TTN: variants seen among roughly 807,000 people sequenced by gnomAD.
The protein encoded by TTN is connectin.
Under a neutral mutation model 3,223.0 loss-of-function variants are expected in TTN, and 1,525 were observed. The ratio of observed to expected loss-of-function variants is 0.47; its 90% confidence interval spans 0.45 to 0.49. The LOEUF is 0.49. Ranked by LOEUF, TTN falls within the 20% of genes least tolerant of loss-of-function variation. TTN has a pLI of 0.00. For synonymous variants in TTN, 14,094 were observed against 15,161.0 expected (o/e 0.93, Z 5.17); for missense variants, 40,786 against 43,424.0 (o/e 0.94, Z 5.40).
Position 178,612,860 on chromosome 2 carries a change from A to G in TTN, c.49861T>C (p.Tyr16621His), listed in dbSNP as rs766377448. Residue 16621 changes from tyrosine (Y) to histidine (H), a missense_variant, in exon 265 of 363, where the codon TAC becomes CAC. Physicochemically the swap from Tyr to His is moderately conservative, Grantham distance 83 (BLOSUM62 2). Coordinates refer to ENST00000589042, the MANE Select transcript of TTN (RefSeq NM_001267550.2). ...LLPGLMEGQE[Y>H]SFRVRAVNKA... ...TTCACAGCTCTAACTCGGAATGAGT[A>G]TTCCTGTCCTTCCATGAGCCCTGGG... 2 of 1,612,550 alleles carry G rather than the reference A, an allele frequency of 1.2e-6. No homozygotes were observed. The highest frequency in any genetic ancestry group is 2.2e-5 in the South Asian group (2 of 91,038).
At chr2:178,651,199 C>T (rs775553603) in intron 208 of TTN, 44 bp downstream of exon 208, 23 of 1,521,904 alleles carry the variant, frequency 1.5e-5, no homozygotes, top group Non-Finnish European at 1.8e-5. Context: ...ACTTATTAGA[C>T]AAGGGTGAGT....
chr2:178,565,228 G>A lies in TTN; in HGVS notation c.80904C>T (p.Ile26968=), dbSNP rs539234338. 8.1e-6 allele frequency: 13 copies of A among 1,613,540 alleles called. No individual in the cohort carries two copies. The Admixed American group carries it at 1.3e-4, about 17-fold the overall frequency. Reference sequence around the variant, plus strand: ...CTGGAGGTCCAGGCTTTTCTAAAACGATAACACTGAGATTTTCTGTTGCTG... The same window carrying A: ...CTGGAGGTCCAGGCTTTTCTAAAACAATAACACTGAGATTTTCTGTTGCTG... The part of the protein sequence containing the change: ...AGTATENLSV[I]VLEKPGPPVG... Residue 26968 remains isoleucine, a synonymous_variant, in exon 326 of 363, where the codon ATC becomes ATT. Transcript: ENST00000589042.
At chr2:178,800,245 G>T (rs2093989696) in intron 4 of TTN, 150 bp downstream of exon 4, 1 of 1,002,100 alleles carries the variant, frequency 1.0e-6, no homozygotes, top group Non-Finnish European at 1.5e-6. Flanking sequence ...GAATCTCAGG[G>T]ACTTTTCATG....
At position 178,559,307 on chromosome 2, in the gene TTN, A is replaced by G. The variant is rs1559274361; in HGVS notation, c.86821+4T>C. 6.3e-6 allele frequency: 10 copies of G among 1,579,708 alleles called. No individual in the cohort carries two copies. The highest frequency in any genetic ancestry group is 7.7e-6 in the Non-Finnish European group (9 of 1,163,060). ...TGTAGAATTTCCTTATTCTTAAAAC[A>G]TACCTGTTATTTTTACTCCTTCCTT... is the stretch of plus-strand genomic sequence containing the variant. On this transcript the variant is annotated splice_donor_region_variant and intron_variant, in intron 326 of 362. Transcript: ENST00000589042.
rs2057142108 is a variant in TTN at position 178,615,371 on chromosome 2, C to T, written c.48574G>A (p.Val16192Ile). ...TCAGAACCACGTGGACATCTTTCAA[C>T]TATATATCCTTTGATGCGTGAACCA... Reference protein sequence around the residue: ...DGGSRIKGYIVERCPRGSDKW... With the variant: ...DGGSRIKGYIIERCPRGSDKW... Residue 16192 changes from valine (V) to isoleucine (I), a missense_variant, in exon 259 of 363, where the codon GTT (valine) becomes ATT (isoleucine). Val to Ile is a conservative substitution (Grantham distance 29, BLOSUM62 3). Transcript: ENST00000589042. The T allele has an allele frequency of 6.2e-7, 1 of 1,612,600 alleles. No homozygotes were observed. The highest frequency in any genetic ancestry group is 8.5e-7 in the Non-Finnish European group (1 of 1,179,044).
At position 178,542,803 on chromosome 2, in the gene TTN, C is replaced by T. The variant is rs727504879; in HGVS notation, c.97051G>A (p.Glu32351Lys). The change falls in exon 348 of 363, where the codon GAG becomes AAG. Residue 32351 changes from glutamate to lysine, a missense_variant. Physicochemically the swap from Glu to Lys is moderately conservative, Grantham distance 56. Transcript: ENST00000589042. Reference sequence around the variant, plus strand: ...GTGTGAGTTTCAACTGTGACACGCTCTGATTCTCTCAGTTTAGAACCAGCA... The same window carrying T: ...GTGTGAGTTTCAACTGTGACACGCTTTGATTCTCTCAGTTTAGAACCAGCA... ...FFAGSKLRES[E>K]RVTVETHTKV... is the part of the protein sequence containing the mutation. 13 of 1,613,678 alleles carry T rather than the reference C, an allele frequency of 8.1e-6. No individual in the cohort carries two copies. Among genetic ancestry groups the T allele is most frequent in the African/African-American group, 1.3e-5 (1 of 74,896 alleles).
chr2:178,528,789 A>G lies in TTN; in HGVS notation c.106962T>C (p.Gly35654=). 1 of 1,612,766 alleles carries G rather than the reference A, an allele frequency of 6.2e-7. No homozygotes were observed. Among genetic ancestry groups the G allele is most frequent in the Non-Finnish European group, 8.5e-7 (1 of 1,178,930 alleles). Residue 35654 remains glycine, a synonymous_variant, in exon 360 of 363, where the codon GGT becomes GGC. Transcript: ENST00000589042. ...ELTNSEEYRY[G]VSGSDQTLTI... Reference sequence around the variant, plus strand: ...TTAGGGTCTGATCGCTGCCTGAGACACCATATCGGTACTCCTCAGAGTTGG... The same window carrying G: ...TTAGGGTCTGATCGCTGCCTGAGACGCCATATCGGTACTCCTCAGAGTTGG...
Position 178,569,959 on chromosome 2 carries a change from G to C in TTN, c.76173C>G (p.Ser25391Arg). Residue 25391 changes from serine to arginine, a missense_variant, in exon 326 of 363, where the codon AGC becomes AGG. Coordinates refer to ENST00000589042, the MANE Select transcript of TTN (RefSeq NM_001267550.2). ...AAGCCTTTTGGTAAGCAGAAGGAGG[G>C]CTTGGTTCACTAAGTCCAGCAGCAT... is the stretch of plus-strand genomic sequence containing the variant. ...AENAAGLSEP[S>R]PPSAYQKACD... The C allele has an allele frequency of 6.2e-7, 1 of 1,612,220 alleles. No homozygotes were observed. The highest frequency in any genetic ancestry group is 8.5e-7 in the Non-Finnish European group (1 of 1,178,876).
Position 178,712,495 on chromosome 2 carries a change from C to A in TTN, c.27427G>T (p.Val9143Phe), listed in dbSNP as rs186857044. 5.1e-5 allele frequency: 83 copies of A among 1,613,754 alleles called. No individual in the cohort carries two copies. In the East Asian group the frequency reaches 1.8e-3, roughly 36 times the overall value. The change falls in exon 95 of 363, where the codon GTT (valine) becomes TTT (phenylalanine). Residue 9143 changes from valine to phenylalanine, a missense_variant. Val to Phe is a conservative substitution (Grantham distance 50). Transcript: ENST00000589042. ...TTTATGCCATTTTTCTTCCAGGTAA[C>A]CGAAATGGGAGGAGTTCCAGTGAAT... ...GTFTGTPPIS[V>F]TWKKNGINVT...
chr2:178,590,738 C>A lies in TTN; in HGVS notation c.60987G>T (p.Lys20329Asn). 1.2e-6 allele frequency: 2 copies of A among 1,611,734 alleles called. No homozygotes were observed. Among genetic ancestry groups the A allele is most frequent in the Non-Finnish European group, 1.7e-6 (2 of 1,178,574 alleles). The change falls in exon 304 of 363, where the codon AAG (lysine) becomes AAT (asparagine). Residue 20329 changes from lysine to asparagine, a missense_variant. Physicochemically the swap from Lys to Asn is moderately conservative, Grantham distance 94. Coordinates refer to ENST00000589042, the MANE Select transcript of TTN (RefSeq NM_001267550.2). ...RVNKTPIADL[K>N]FRVTGLYEGN... ...CTTCATAGAGTCCAGTCACTCTGAA[C>A]TTCAGGTCAGCGATAGGTGTTTTGT... is the stretch of plus-strand genomic sequence containing the variant.
intron 89 of TTN, 41 bp from the exon 90 acceptor site, chr2:178,715,305 G>A: frequency 6.5e-7 from 1 of 1,545,950 alleles, no homozygotes. Flanking sequence ...TATTCTGTAA[G>A]TATATAGTTA....
chr2:178,644,678 T>G (rs1379843352), intron 217 of TTN, 62 bp from the exon 218 acceptor site: 1 of 1,292,078 alleles, frequency 7.7e-7, no homozygotes, highest in Non-Finnish European at 1.0e-6. Context: ...AGTGATTAAC[T>G]TTCTACTCCA....
At chr2:178,690,235 A>G (rs190762218) in intron 121 of TTN, among the ~76,000 whole-genome samples, 16 of 152,356 alleles carry the variant, frequency 1.1e-4, no homozygotes, top group Non-Finnish European at 1.9e-4. Context: ...AAACTTCTTT[A>G]CGCTTTGTAT....
At position 178,597,620 on chromosome 2, in the gene TTN, C is replaced by T. The variant is rs72646832; in HGVS notation, c.57462G>A (p.Gln19154=). The change falls in exon 294 of 363, where the codon CAG becomes CAA. Residue 19154 remains glutamine (Q), a synonymous_variant. Transcript: ENST00000589042. ...ISSSMVIKNC[Q]RSHQGVYSLL... ...GAGAATAGACGCCTTGATGGCTCCTCTGGCAGTTCTTGATGACCATGGATG... is the reference window on the plus strand; with the variant it reads ...GAGAATAGACGCCTTGATGGCTCCTTTGGCAGTTCTTGATGACCATGGATG... 1.2e-3 allele frequency: 1,910 copies of T among 1,613,196 alleles called. 27 individuals are homozygous for T. The African/African-American group carries it at 0.023, about 20-fold the overall frequency.
At position 178,727,719 on chromosome 2, in the gene TTN, C is replaced by T. The variant is rs935626596; in HGVS notation, c.19859G>A (p.Cys6620Tyr). 9 of 1,613,320 alleles carry T rather than the reference C, an allele frequency of 5.6e-6. No individual in the cohort carries two copies. The highest frequency in any genetic ancestry group is 2.2e-5 in the East Asian group (1 of 44,834). Residue 6620 changes from cysteine (C) to tyrosine (Y), a missense_variant, in exon 68 of 363, where the codon TGT (cysteine) becomes TAT (tyrosine). Transcript: ENST00000589042. ...DDVELVSGPK[C>Y]FIGLEGSTSF... ...AGTCGACCCTTCCAAGCCAATGAAACATTTAGGACCTGAGACAAGTTCCAC... is the reference window on the plus strand; with the variant it reads ...AGTCGACCCTTCCAAGCCAATGAAATATTTAGGACCTGAGACAAGTTCCAC...
In TTN at chr2:178,604,065, C is replaced by T. The variant is rs575533984; in HGVS notation, c.54622G>A (p.Glu18208Lys). 10 of 1,612,900 alleles carry T rather than the reference C, an allele frequency of 6.2e-6. No homozygotes were observed. The South Asian group carries it at 7.7e-5, about 12-fold the overall frequency. The change falls in exon 282 of 363, where the codon GAG (glutamate) becomes AAG (lysine). Residue 18208 changes from glutamate to lysine, a missense_variant. Glu to Lys is a moderately conservative substitution (Grantham distance 56). Transcript: ENST00000589042. ...ACACGTGACCAATAAGGACTTCCCTCTTCTCTTTTCTCCAGCCAGTAGCCA... is the reference window on the plus strand; with the variant it reads ...ACACGTGACCAATAAGGACTTCCCTTTTCTCTTTTCTCCAGCCAGTAGCCA... ...ITGYWLEKRE[E>K]GSPYWSRVSR...
chr2:178,616,950 A>T lies in TTN; in HGVS notation c.47939T>A (p.Ile15980Asn). 6.2e-7 allele frequency: 1 copy of T among 1,612,710 alleles called. No individual in the cohort carries two copies. The highest frequency in any genetic ancestry group is 8.5e-7 in the Non-Finnish European group (1 of 1,179,108). The change falls in exon 256 of 363, where the codon ATC (isoleucine) becomes AAC (asparagine). Residue 15980 changes from isoleucine (I) to asparagine (N), a missense_variant. Transcript: ENST00000589042. ...GCCTGTACTTGGAACCAGGATCGTG[A>T]TAGGATTTGGGACAATAACTTCCAG... The part of the protein sequence containing the change: ...DGLEVIVPNP[I>N]TILVPSTGYP...
rs780732623 is a variant in TTN at position 178,644,547 on chromosome 2, C to A, written c.40477+1G>T. The A allele has an allele frequency of 6.4e-7, 1 of 1,573,276 alleles. No homozygotes were observed. The highest frequency in any genetic ancestry group is 1.2e-5 in the South Asian group (1 of 82,468). ...TATGTATTTTTCAGCCTGTGAAATA[C>A]CTTTCAGAGGTGTAAGCTCCACTTT... is the stretch of plus-strand genomic sequence containing the variant. On this transcript the variant is annotated splice_donor_variant, in intron 218 of 362. Transcript: ENST00000589042. LOFTEE classifies it high-confidence loss of function.
At chr2:178,747,845 T>C (rs112842807) in intron 47 of TTN, 24 of 1,612,990 alleles carry the variant, frequency 1.5e-5, no homozygotes, top group Non-Finnish European at 1.8e-5. Flanking sequence ...TCCAGAGGCA[T>C]GAATGTTTGT....
Sources: gnomAD v4.1 joint callset for allele counts (sites outside exome capture counted in the v4.1 genomes callset) on GRCh38, gnomAD v4.1.1 for gene constraint, MANE v1.5 for transcripts, NCBI Gene and HGNC (gene_info 2026-07-23, HGNC 2026-07-21) for gene names.